SLC2A9: variants seen among roughly 807,000 people sequenced by gnomAD.
The protein encoded by SLC2A9 is solute carrier family 2 member 9, also known as solute carrier family 2, facilitated glucose transporter member 9.
A neutral mutation model predicts 50.6 loss-of-function variants in SLC2A9; 39 were observed. That is an observed-to-expected ratio of 0.77 (90% CI 0.60 to 1.01). The LOEUF (loss-of-function observed/expected upper bound fraction) is 1.01. SLC2A9 is among the 50% of genes least tolerant of loss of function. SLC2A9 has a pLI of 0.00. For synonymous variants in SLC2A9, 324 were observed against 276.9 expected, an observed-to-expected ratio of 1.17 and a Z score of -1.69; for missense variants, 686 against 677.6, an observed-to-expected ratio of 1.01 and a Z score of -0.14.
intron 8 of SLC2A9, among the ~76,000 whole-genome samples, chr4:9,907,571 G>A: frequency 6.6e-6 from 1 of 152,252 alleles, no homozygotes; most frequent in East Asian, 1.9e-4. Context: ...CACATGTCTG[G>A]GGTAATGAGA....
At chr4:9,832,851 T>C (rs980847574) in intron 11 of SLC2A9, among the ~76,000 whole-genome samples, 1 of 152,148 alleles carries the variant, frequency 6.6e-6, no homozygotes, top group Non-Finnish European at 1.5e-5. Context: ...CAGTGAACAC[T>C]ATACTAAAGT....
chr4:9,825,370 C>T (rs538142368), downstream of SLC2A9, among the ~76,000 whole-genome samples: 1 of 152,298 alleles, frequency 6.6e-6, no homozygotes, highest in African/African-American at 2.4e-5. Flanking sequence ...TGAGTAATCA[C>T]CCAGTCTTCC....
chr4:10,011,697 G>A (rs78511292), intron 2 of SLC2A9, among the ~76,000 whole-genome samples: 3 of 152,220 alleles, frequency 2.0e-5, no homozygotes, highest in African/African-American at 7.2e-5. Context: ...TAGATGGATA[G>A]ACAGAAAGAT....
intron 4 of SLC2A9, among the ~76,000 whole-genome samples, chr4:9,983,207 G>A (rs1210692286): frequency 6.6e-6 from 1 of 152,194 alleles, no homozygotes. Flanking sequence ...AGGCCTTACT[G>A]CTAAGTTGCC....
intron 5 of SLC2A9, among the ~76,000 whole-genome samples, chr4:9,954,706 C>T (rs1203729614): frequency 1.3e-5 from 2 of 152,164 alleles, no homozygotes; most frequent in East Asian, 3.9e-4. Context: ...TAGCCAGGAC[C>T]TACCATGACC....
intron 10 of SLC2A9, among the ~76,000 whole-genome samples, chr4:9,835,268 C>T (rs566801208): frequency 1.3e-5 from 2 of 151,678 alleles, no homozygotes; most frequent in East Asian, 3.9e-4. Context: ...CCACCACAAC[C>T]CAAGCCAACC....
At chr4:9,928,530 G>A (rs1745318193) in intron 6 of SLC2A9, among the ~76,000 whole-genome samples, 1 of 152,194 alleles carries the variant, frequency 6.6e-6, no homozygotes, top group Admixed American at 6.5e-5. Flanking sequence ...TCAGGAGTTT[G>A]AGACCAGCCT....
At chr4:9,875,993 C>G (rs73225813) in intron 10 of SLC2A9, among the ~76,000 whole-genome samples, 11,640 of 152,252 alleles carry the variant, frequency 0.076, 572 homozygotes, top group Non-Finnish European at 0.11. Flanking sequence ...TTCTCAGAAT[C>G]TCAAAATAGT....
intron 10 of SLC2A9, among the ~76,000 whole-genome samples, chr4:9,884,813 T>C (rs1294867126): frequency 1.3e-5 from 2 of 152,150 alleles, no homozygotes; most frequent in Non-Finnish European, 2.9e-5. Context: ...ATGTGGTACA[T>C]ATGTACCACG....
intron 4 of SLC2A9, among the ~76,000 whole-genome samples, chr4:9,981,365 G>A (rs2109101733): frequency 6.6e-6 from 1 of 151,502 alleles, no homozygotes; most frequent in Admixed American, 6.6e-5. Flanking sequence ...GGTGGTGATG[G>A]TGGTCACAAT....
At chr4:9,827,009 A>G (rs1725257745) in intron 11 of SLC2A9, among the ~76,000 whole-genome samples, 1 of 152,230 alleles carries the variant, frequency 6.6e-6, no homozygotes, top group South Asian at 2.1e-4. Flanking sequence ...GCCTTAGTTC[A>G]TAGGAAGAAT....
chr4:9,941,826 T>G (rs1162142169), intron 6 of SLC2A9, 87 bp downstream of exon 6: 4 of 1,581,272 alleles, frequency 2.5e-6, no homozygotes, highest in Non-Finnish European at 3.5e-6. Context: ...CACCCCTTCC[T>G]GTGCCCATTG....
intron 5 of SLC2A9, among the ~76,000 whole-genome samples, chr4:9,947,978 A>G (rs1193782744): frequency 6.6e-6 from 1 of 152,054 alleles, no homozygotes; most frequent in African/African-American, 2.4e-5. Context: ...TTCTTCTTTC[A>G]GATAAGGTTG....
intron 4 of SLC2A9, among the ~76,000 whole-genome samples, chr4:9,983,172 T>C (rs1169069451): frequency 2.0e-5 from 3 of 152,150 alleles, no homozygotes; most frequent in African/African-American, 7.2e-5. Context: ...CCGGCCCATT[T>C]AATTTTCACA....
At chr4:9,871,713 T>C (rs1185176537) in intron 10 of SLC2A9, among the ~76,000 whole-genome samples, 5 of 152,166 alleles carry the variant, frequency 3.3e-5, no homozygotes, top group Non-Finnish European at 2.9e-5. Context: ...ACAAGAATCT[T>C]TGGGGGATAC....
At chr4:10,017,706 G>A (rs1245572344) in intron 2 of SLC2A9, among the ~76,000 whole-genome samples, 1 of 152,184 alleles carries the variant, frequency 6.6e-6, no homozygotes, top group Non-Finnish European at 1.5e-5. Context: ...AGGCACCCAG[G>A]GCTGTCCTCA....
At chr4:9,953,940 G>A (rs976679822) in intron 5 of SLC2A9, among the ~76,000 whole-genome samples, 24 of 152,310 alleles carry the variant, frequency 1.6e-4, no homozygotes, top group African/African-American at 5.3e-4. Flanking sequence ...CTCCCGAGTA[G>A]CTGGGATTAC....
downstream of SLC2A9, among the ~76,000 whole-genome samples, chr4:9,776,685 A>G (rs1032464406): frequency 1.3e-5 from 2 of 152,096 alleles, no homozygotes; most frequent in Non-Finnish European, 1.5e-5. Flanking sequence ...AGGCACCTAG[A>G]TATGCTCCAC....
At chr4:9,879,372 TTATGTGTG>T in intron 10 of SLC2A9, 4 of 974,994 alleles carry the variant, frequency 4.1e-6, no homozygotes, top group Non-Finnish European at 4.9e-6. Context: ...GTGTGTGTAT[TTATGTGTG>T]TATGTGTGTG....
Sources: allele counts gnomAD v4.1 joint callset (sites outside exome capture counted in the v4.1 genomes callset), GRCh38; gene constraint gnomAD v4.1.1; transcripts MANE v1.5; gene names NCBI Gene and HGNC (gene_info 2026-07-23, HGNC 2026-07-21).